Variants in NFIB observed in about 807,000 individuals in gnomAD.
The protein encoded by NFIB is nuclear factor 1 B-type.
In NFIB, 11 loss-of-function variants were observed where a neutral mutation model predicts 61.5. The observed-to-expected ratio is 0.18, with a 90% CI of 0.11 to 0.30. The LOEUF is 0.30. NFIB is among the 10% of genes least tolerant of loss of function. The probability of loss-of-function intolerance (pLI) is 1.00; values close to 1 mark genes in which losing one functional copy is unlikely to be tolerated. For missense variants in NFIB, 471 were observed against 608.9 expected (o/e 0.77, Z 2.38); for synonymous variants, 260 against 216.5 (o/e 1.20, Z -1.76).
At chr9:14,525,165 C>A in the NFIB span, among the ~76,000 whole-genome samples, 1 of 152,172 alleles carries the variant, frequency 6.6e-6, no homozygotes, top group African/African-American at 2.4e-5. Flanking sequence ...AGTGTCCTGG[C>A]CCATTTAACA....
At chr9:14,189,934 A>C (rs1422036612) in intron 2 of NFIB, among the ~76,000 whole-genome samples, 1 of 152,040 alleles carries the variant, frequency 6.6e-6, no homozygotes, top group Non-Finnish European at 1.5e-5. Context: ...CACATATTCT[A>C]ATTTTTAAGT....
At chr9:14,130,561 A>G (rs2040281180) in intron 6 of NFIB, among the ~76,000 whole-genome samples, 1 of 152,138 alleles carries the variant, frequency 6.6e-6, no homozygotes, top group Non-Finnish European at 1.5e-5. Flanking sequence ...ATTTACTTGT[A>G]TCCACTGCGT....
intron 6 of NFIB, among the ~76,000 whole-genome samples, chr9:14,137,695 A>G (rs780993858): frequency 9.2e-5 from 14 of 152,204 alleles, no homozygotes; most frequent in Non-Finnish European, 1.6e-4. Context: ...AACAGAACTA[A>G]AAGAAAACAT....
At chr9:14,240,526 C>T (rs1043830366) in intron 2 of NFIB, among the ~76,000 whole-genome samples, 8 of 152,182 alleles carry the variant, frequency 5.3e-5, no homozygotes, top group African/African-American at 1.9e-4. Flanking sequence ...CTGCTTCAAA[C>T]TTTATCCAAA....
intron 3 of NFIB, among the ~76,000 whole-genome samples, chr9:14,164,231 T>C (rs1307411360): frequency 6.6e-6 from 1 of 151,974 alleles, no homozygotes; most frequent in Non-Finnish European, 1.5e-5. Context: ...AATATACAAG[T>C]ATAGTCATGA....
intron 2 of NFIB, among the ~76,000 whole-genome samples, chr9:14,202,716 C>T (rs1228597860): frequency 6.6e-6 from 1 of 152,190 alleles, no homozygotes; most frequent in African/African-American, 2.4e-5. Context: ...TTTTCTCTAA[C>T]GTATCTGAGA....
chr9:14,315,453 C>T (rs2060497863), upstream of NFIB, among the ~76,000 whole-genome samples: 2 of 148,972 alleles, frequency 1.3e-5, no homozygotes, highest in Non-Finnish European at 3.0e-5. Flanking sequence ...TCCCAATCCC[C>T]ACCCCCCGGG....
the NFIB span, among the ~76,000 whole-genome samples, chr9:14,490,294 T>C: frequency 1.3e-5 from 2 of 151,834 alleles, no homozygotes; most frequent in Non-Finnish European, 1.5e-5. Flanking sequence ...TAGTTGGACA[T>C]ACACATATAA....
chr9:14,147,127 T>C (rs112323501), intron 5 of NFIB, among the ~76,000 whole-genome samples: 48 of 152,316 alleles, frequency 3.2e-4, no homozygotes, highest in African/African-American at 8.4e-4. Flanking sequence ...AACATTAAAA[T>C]TGTGTTATTG....
upstream of NFIB, among the ~76,000 whole-genome samples, chr9:14,314,874 C>G (rs1461309065): frequency 1.3e-5 from 2 of 151,952 alleles, no homozygotes; most frequent in East Asian, 3.9e-4. Context: ...AAAACCCGCC[C>G]TGGAAGAGGT....
At chr9:14,387,065 T>C (rs1306663449) in intron 1 of NFIB, among the ~76,000 whole-genome samples, 1 of 152,190 alleles carries the variant, frequency 6.6e-6, no homozygotes, top group Non-Finnish European at 1.5e-5. Flanking sequence ...CTTTGGGAAA[T>C]GGTGTGAGAT....
chr9:14,331,695 C>T (rs770748548), intron 1 of NFIB, among the ~76,000 whole-genome samples: 1 of 152,146 alleles, frequency 6.6e-6, no homozygotes, highest in Non-Finnish European at 1.5e-5. Flanking sequence ...GGGTTCAAAT[C>T]CTGACTTAGC....
chr9:14,114,244 G>A (rs1359619915), intron 9 of NFIB, among the ~76,000 whole-genome samples: 2 of 152,114 alleles, frequency 1.3e-5, no homozygotes, highest in South Asian at 2.1e-4. Flanking sequence ...CTGAATAAGG[G>A]GACATGCAAG....
chr9:14,278,109 A>G (rs1209499184), intron 2 of NFIB, among the ~76,000 whole-genome samples: 1 of 152,192 alleles, frequency 6.6e-6, no homozygotes, highest in Non-Finnish European at 1.5e-5. Flanking sequence ...AAACTGTCAC[A>G]ACCATCCTGA....
chr9:14,488,081 A>G, the NFIB span, among the ~76,000 whole-genome samples: 17 of 152,342 alleles, frequency 1.1e-4, no homozygotes, highest in African/African-American at 4.1e-4. Flanking sequence ...AACTTACAAA[A>G]GAATCACCTA....
At chr9:14,312,956 G>T (rs1251043550) in intron 1 of NFIB, among the ~76,000 whole-genome samples, 1 of 152,220 alleles carries the variant, frequency 6.6e-6, no homozygotes, top group Non-Finnish European at 1.5e-5. Flanking sequence ...TGGGTCCCCG[G>T]ACCACAACCT....
intron 10 of NFIB, chr9:14,102,621 C>T (rs2035942839): frequency 9.1e-6 from 6 of 661,942 alleles, no homozygotes; most frequent in Non-Finnish European, 1.3e-5. Flanking sequence ...CTTACTTTCC[C>T]AAGAGGCAAC....
intron 5 of NFIB, among the ~76,000 whole-genome samples, chr9:14,147,139 G>C (rs912283812): frequency 6.6e-6 from 1 of 152,016 alleles, no homozygotes; most frequent in African/African-American, 2.4e-5. Flanking sequence ...GTGTTATTGT[G>C]TACCTGACTC....
intron 2 of NFIB, among the ~76,000 whole-genome samples, chr9:14,241,304 T>C (rs1162375480): frequency 1.3e-4 from 20 of 152,136 alleles, no homozygotes; most frequent in Admixed American, 1.3e-3. Context: ...ATAAATAGAC[T>C]ATATCAGTAT....
Sources: allele counts gnomAD v4.1 joint callset (sites outside exome capture counted in the v4.1 genomes callset), GRCh38; gene constraint gnomAD v4.1.1; transcripts MANE v1.5; gene names NCBI Gene and HGNC (gene_info 2026-07-23, HGNC 2026-07-21).